The following NKAIN2 variants were observed in gnomAD, a reference collection of about 807,000 sequenced individuals.
NKAIN2 encodes sodium/potassium-transporting ATPase subunit beta-1-interacting protein 2.
In NKAIN2, 14 loss-of-function variants were observed where a neutral mutation model predicts 32.6. The observed-to-expected ratio is 0.43, with a 90% CI of 0.28 to 0.67. The LOEUF (loss-of-function observed/expected upper bound fraction) is 0.67. Ranked by LOEUF, NKAIN2 falls within the 30% of genes least tolerant of loss-of-function variation. The pLI is 0.17. For synonymous variants in NKAIN2, 80 were observed against 87.2 expected (o/e 0.92, Z 0.46); for missense variants, 198 against 258.3 (o/e 0.77, Z 1.60).
At chr6:124,589,000 T>A (rs139576103) in intron 3 of NKAIN2, among the ~76,000 whole-genome samples, 1 of 152,340 alleles carries the variant, frequency 6.6e-6, no homozygotes, top group East Asian at 1.9e-4. Flanking sequence ...GATGCTATTC[T>A]TTATTCATTT....
chr6:124,137,395 G>T (rs921896069), intron 1 of NKAIN2, among the ~76,000 whole-genome samples: 5 of 152,014 alleles, frequency 3.3e-5, no homozygotes, highest in African/African-American at 1.2e-4. Context: ...CCATGATCAT[G>T]GACAGGTAGA....
At chr6:124,207,891 G>T (rs921698796) in intron 1 of NKAIN2, among the ~76,000 whole-genome samples, 2 of 151,928 alleles carry the variant, frequency 1.3e-5, no homozygotes, top group African/African-American at 4.8e-5. Context: ...TATTAATTTT[G>T]CTAAATAATA....
chr6:124,405,698 TA>T (rs1773826606), intron 3 of NKAIN2, among the ~76,000 whole-genome samples: 1 of 152,124 alleles, frequency 6.6e-6, no homozygotes, highest in Admixed American at 6.6e-5. Flanking sequence ...TTTATTATCC[TA>T]AAATATTAGG....
chr6:124,505,229 T>G (rs1222416726), intron 3 of NKAIN2, among the ~76,000 whole-genome samples: 3 of 152,206 alleles, frequency 2.0e-5, no homozygotes, highest in African/African-American at 7.2e-5. Context: ...GAACAAATGC[T>G]TTTGCTTATC....
At position 123,804,090 on chromosome 6, in the gene NKAIN2, C is replaced by A. The variant is rs342610; in HGVS notation, c.-111C>A. ...TGGCAGCAGCAGCAGCCCGGAGCCCCCGAGCCCTCGGCAGGTTTGCGTGTC... is the reference window on the plus strand; with the variant it reads ...TGGCAGCAGCAGCAGCCCGGAGCCCACGAGCCCTCGGCAGGTTTGCGTGTC... On this transcript the variant is annotated 5_prime_UTR_variant, in exon 1 of 7. Coordinates refer to ENST00000368417, the MANE Select transcript of NKAIN2 (RefSeq NM_001040214.3). 4 of 977,690 alleles carry A rather than the reference C, an allele frequency of 4.1e-6. No individual in the cohort carries two copies. Among genetic ancestry groups the A allele is most frequent in the Non-Finnish European group, 6.6e-6 (4 of 602,052 alleles). 60.6% of individuals were successfully genotyped at this position (977,690 alleles called of 1,614,324 possible).
At chr6:124,039,447 T>C (rs1444180149) in intron 1 of NKAIN2, among the ~76,000 whole-genome samples, 3 of 151,902 alleles carry the variant, frequency 2.0e-5, no homozygotes, top group Non-Finnish European at 4.4e-5. Flanking sequence ...AACTTTGAAT[T>C]TTGTAATTCA....
intron 3 of NKAIN2, among the ~76,000 whole-genome samples, chr6:124,396,519 G>A (rs1431154705): frequency 1.3e-5 from 2 of 151,824 alleles, no homozygotes; most frequent in Non-Finnish European, 2.9e-5. Flanking sequence ...CGGCTGACTA[G>A]TAGAGATACA....
chr6:124,382,410 C>T (rs1772686565), intron 3 of NKAIN2, among the ~76,000 whole-genome samples: 1 of 152,104 alleles, frequency 6.6e-6, no homozygotes, highest in South Asian at 2.1e-4. Flanking sequence ...CGAGCTAAAA[C>T]TCTGATGGGC....
At chr6:124,232,304 G>T (rs183487564) in intron 1 of NKAIN2, among the ~76,000 whole-genome samples, 1 of 152,236 alleles carries the variant, frequency 6.6e-6, no homozygotes, top group Non-Finnish European at 1.5e-5. Flanking sequence ...ATTAGAAAAG[G>T]TTTGCTAGAT....
chr6:124,797,695 C>G (rs767976537), intron 5 of NKAIN2, among the ~76,000 whole-genome samples: 4 of 152,128 alleles, frequency 2.6e-5, no homozygotes, highest in Non-Finnish European at 5.9e-5. Flanking sequence ...GCCTACACTT[C>G]TGTGTATTGA....
At chr6:124,518,085 T>A (rs1434810325) in intron 3 of NKAIN2, among the ~76,000 whole-genome samples, 1 of 152,040 alleles carries the variant, frequency 6.6e-6, no homozygotes, top group Non-Finnish European at 1.5e-5. Flanking sequence ...CTTTCAAAAA[T>A]TTTTATTGTA....
intron 1 of NKAIN2, among the ~76,000 whole-genome samples, chr6:124,243,384 A>G (rs1793215088): frequency 6.6e-6 from 1 of 152,040 alleles, no homozygotes; most frequent in African/African-American, 2.4e-5. Context: ...AGTCCTAGCT[A>G]CTTGGCAGGC....
intron 3 of NKAIN2, among the ~76,000 whole-genome samples, chr6:124,518,307 AGAT>A (rs891929484): frequency 6.7e-6 from 1 of 148,988 alleles, no homozygotes; most frequent in African/African-American, 2.5e-5. Context: ...AAAAAAAAAA[AGAT>A]AGAAAAGGAA....
chr6:123,891,066 T>C (rs1773988866), intron 1 of NKAIN2, among the ~76,000 whole-genome samples: 1 of 152,086 alleles, frequency 6.6e-6, no homozygotes, highest in Admixed American at 6.6e-5. Flanking sequence ...CTTGAATACA[T>C]TTGCCAAGTG....
At chr6:124,207,956 C>G (rs1790979531) in intron 1 of NKAIN2, among the ~76,000 whole-genome samples, 1 of 151,860 alleles carries the variant, frequency 6.6e-6, no homozygotes, top group Admixed American at 6.6e-5. Context: ...CAGGATGAGT[C>G]TTACTGGCTG....
chr6:124,256,885 G>GGTT (rs768653765), intron 1 of NKAIN2, among the ~76,000 whole-genome samples: 1 of 75,910 alleles, frequency 1.3e-5, no homozygotes, highest in African/African-American at 4.8e-5. Flanking sequence ...GCTTTCTGTT[G>GGTT]TTTTTTTTTT....
intron 3 of NKAIN2, among the ~76,000 whole-genome samples, chr6:124,392,389 A>G (rs1419237993): frequency 6.6e-6 from 1 of 152,136 alleles, no homozygotes; most frequent in Non-Finnish European, 1.5e-5. Flanking sequence ...CACTTCCTCC[A>G]TTACTTCTTA....
intron 2 of NKAIN2, among the ~76,000 whole-genome samples, chr6:124,349,706 C>G (rs1415228633): frequency 1.3e-5 from 2 of 152,078 alleles, no homozygotes; most frequent in African/African-American, 2.4e-5. Flanking sequence ...ATTGTATAAC[C>G]CATGACATAT....
chr6:124,717,542 T>G (rs1196479736), intron 4 of NKAIN2, among the ~76,000 whole-genome samples: 1 of 152,172 alleles, frequency 6.6e-6, no homozygotes, highest in Non-Finnish European at 1.5e-5. Context: ...GTTAGTATTA[T>G]TATTCCAGAA....
Sources: allele counts gnomAD v4.1 joint callset (sites outside exome capture counted in the v4.1 genomes callset), GRCh38; gene constraint gnomAD v4.1.1; transcripts MANE v1.5; gene names NCBI Gene and HGNC (gene_info 2026-07-23, HGNC 2026-07-21).